C8A: variants seen among roughly 807,000 people sequenced by gnomAD.
C8A encodes the protein complement component C8 alpha chain.
Under a neutral mutation model 65.3 loss-of-function variants are expected in C8A, and 67 were observed. The ratio of observed to expected loss-of-function variants is 1.03; its 90% CI spans 0.84 to 1.26. The LOEUF (loss-of-function observed/expected upper bound fraction) is 1.26, where lower values mean the gene tolerates loss of function less well. Ranked by LOEUF, C8A falls within the 50% of genes most tolerant of loss-of-function variation. The pLI is 0.00. For synonymous variants in C8A, 290 were observed against 259.4 expected (o/e 1.12, Z -1.13); for missense variants, 781 against 723.9 (o/e 1.08, Z -0.90).
At chr1:56,855,334 T>C (rs1014656943) in intron 1 of C8A, among the ~76,000 whole-genome samples, 2 of 152,112 alleles carry the variant, frequency 1.3e-5, no homozygotes, top group East Asian at 3.9e-4. Context: ...CAGCTTATAG[T>C]AGACACTTAA....
intron 1 of C8A, among the ~76,000 whole-genome samples, chr1:56,862,713 G>C (rs1644046448): frequency 6.6e-6 from 1 of 152,094 alleles, no homozygotes. Flanking sequence ...CTGAAGATTA[G>C]AAGCAAAGAC....
chr1:56,857,835 C>T (rs547318898), intron 1 of C8A, among the ~76,000 whole-genome samples: 6 of 152,028 alleles, frequency 3.9e-5, no homozygotes, highest in East Asian at 3.9e-4. Context: ...ATGTTTTCTG[C>T]CCCATACACT....
chr1:56,886,900 G>A (rs1644304684), intron 7 of C8A, among the ~76,000 whole-genome samples: 1 of 152,166 alleles, frequency 6.6e-6, no homozygotes, highest in Admixed American at 6.5e-5. Flanking sequence ...AGTCAGCATA[G>A]CATCACCTGG....
chr1:56,912,334 C>A (rs1644514441), intron 9 of C8A, 69 bp from the exon 10 acceptor site: 2 of 1,471,794 alleles, frequency 1.4e-6, no homozygotes, highest in Non-Finnish European at 1.9e-6. Context: ...AGCTTGGTGG[C>A]CGGTTCTTGG....
At chr1:56,903,296 C>T (rs1484860175) in intron 7 of C8A, among the ~76,000 whole-genome samples, 3 of 152,110 alleles carry the variant, frequency 2.0e-5, no homozygotes, top group African/African-American at 7.2e-5. Context: ...GGTGGGTTCT[C>T]ATGAGTTCTG....
At chr1:56,860,860 T>C (rs1644027226) in intron 1 of C8A, among the ~76,000 whole-genome samples, 1 of 152,012 alleles carries the variant, frequency 6.6e-6, no homozygotes, top group African/African-American at 2.4e-5. Context: ...GGAATTCCAG[T>C]TTTTGGAGAA....
chr1:56,916,539 T>C (rs1644554236), intron 10 of C8A, among the ~76,000 whole-genome samples: 1 of 152,120 alleles, frequency 6.6e-6, no homozygotes, highest in South Asian at 2.1e-4. Context: ...TGGAAGGAAC[T>C]TGGAGATAAT....
At chr1:56,903,221 A>G (rs1570348634) in intron 7 of C8A, among the ~76,000 whole-genome samples, 2 of 151,964 alleles carry the variant, frequency 1.3e-5, no homozygotes, top group Admixed American at 1.3e-4. Context: ...GTCTCATGGG[A>G]GGAATCTGGT....
chr1:56,864,754 C>T (rs142674294), intron 1 of C8A, among the ~76,000 whole-genome samples: 3 of 152,104 alleles, frequency 2.0e-5, no homozygotes, highest in Non-Finnish European at 4.4e-5. Flanking sequence ...GATGGGAGGG[C>T]TTGTGCCTGC....
At chr1:56,881,235 C>A (rs1644244718) in intron 4 of C8A, among the ~76,000 whole-genome samples, 1 of 152,172 alleles carries the variant, frequency 6.6e-6, no homozygotes, top group East Asian at 1.9e-4. Context: ...TGCTACCTTG[C>A]TTTTCTAATT....
intron 1 of C8A, among the ~76,000 whole-genome samples, chr1:56,863,303 G>C (rs765684876): frequency 2.0e-5 from 3 of 152,124 alleles, no homozygotes; most frequent in Non-Finnish European, 4.4e-5. Flanking sequence ...ATTGGTATTG[G>C]CTAAAAGGTT....
rs1409539656 is a variant in C8A, at chr1:56,886,084, G to A, written c.1013G>A (p.Gly338Asp). The change falls in exon 7 of 11, where the codon GGC (glycine) becomes GAC (aspartate). Residue 338 changes from glycine (G) to aspartate (D), a missense_variant. Physicochemically the swap from Gly to Asp is moderately conservative, Grantham distance 94. Coordinates refer to ENST00000361249, the MANE Select transcript of C8A (RefSeq NM_000562.3). ...TATGCCAAGTTCATCAATGACTATG[G>A]CACCCATTACATCACATCTGGATCC... is the stretch of plus-strand genomic sequence containing the variant. ...GMYAKFINDY[G>D]THYITSGSMG... 11 of 1,613,858 alleles carry A rather than the reference G, an allele frequency of 6.8e-6. No individual in the cohort carries two copies. Among genetic ancestry groups the A allele is most frequent in the African/African-American group, 1.3e-5 (1 of 74,924 alleles).
chr1:56,893,683 A>G (rs1469925717), intron 7 of C8A, among the ~76,000 whole-genome samples: 1 of 152,148 alleles, frequency 6.6e-6, no homozygotes, highest in African/African-American at 2.4e-5. Context: ...TAATCATCTT[A>G]AGTTTCAATT....
chr1:56,867,343 C>A (rs1323257650), intron 1 of C8A, among the ~76,000 whole-genome samples: 3 of 152,084 alleles, frequency 2.0e-5, no homozygotes, highest in Admixed American at 2.0e-4. Context: ...AAATTGTTAG[C>A]CCTCTTTAAT....
intron 1 of C8A, among the ~76,000 whole-genome samples, chr1:56,862,956 T>C (rs1283004666): frequency 1.3e-5 from 2 of 152,170 alleles, no homozygotes; most frequent in Non-Finnish European, 2.9e-5. Flanking sequence ...ATATCTTCAA[T>C]AAATAACTTG....
At position 56,912,468 on chromosome 1, in the gene C8A, C is replaced by T. The variant is rs777141218; in HGVS notation, c.1446C>T (p.Asn482=). 3 of 1,614,220 alleles carry T rather than the reference C, an allele frequency of 1.9e-6. No individual in the cohort carries two copies. The highest frequency in any genetic ancestry group is 1.7e-6 in the Non-Finnish European group (2 of 1,180,030). Residue 482 remains asparagine, a synonymous_variant, in exon 10 of 11, where the codon AAC becomes AAT. Coordinates refer to ENST00000361249, the MANE Select transcript of C8A (RefSeq NM_000562.3). ...SLGPLEAKRQ[N]LRRALDQYLM... is the part of the protein sequence containing the mutation. ...GGCCTCTGGAGGCCAAGCGCCAGAACCTGCGCCGCGCCTTGGACCAGTATC... is the reference window on the plus strand; with the variant it reads ...GGCCTCTGGAGGCCAAGCGCCAGAATCTGCGCCGCGCCTTGGACCAGTATC...
intron 7 of C8A, among the ~76,000 whole-genome samples, chr1:56,904,938 A>G (rs1199760440): frequency 6.6e-6 from 1 of 152,156 alleles, no homozygotes; most frequent in Non-Finnish European, 1.5e-5. Flanking sequence ...TCCAGCCCCC[A>G]TTAATCAGCC....
intron 10 of C8A, among the ~76,000 whole-genome samples, chr1:56,913,989 G>T (rs992728303): frequency 5.9e-5 from 9 of 152,152 alleles, no homozygotes; most frequent in African/African-American, 2.2e-4. Context: ...CTTCTCTGGC[G>T]TACCAAGATT....
chr1:56,912,650 G>C (rs752586413), intron 10 of C8A, 25 bp downstream of exon 10: 6 of 1,605,782 alleles, frequency 3.7e-6, no homozygotes, highest in Non-Finnish European at 5.1e-6. Context: ...TCCCCACCCA[G>C]TTCCAGCCTG....
Sources: gnomAD v4.1 joint callset for allele counts (sites outside exome capture counted in the v4.1 genomes callset) on GRCh38, gnomAD v4.1.1 for gene constraint, MANE v1.5 for transcripts, NCBI Gene and HGNC (gene_info 2026-07-23, HGNC 2026-07-21) for gene names.